SLC41A1: variants seen among roughly 807,000 people sequenced by gnomAD.
The protein encoded by SLC41A1 is solute carrier family 41 member 1, also known as solute carrier family 41 (magnesium transporter), member 1.
In SLC41A1, 20 loss-of-function variants were observed where a neutral mutation model predicts 47.3. The observed-to-expected ratio is 0.42, with a 90% CI of 0.30 to 0.61. The LOEUF (loss-of-function observed/expected upper bound fraction) is 0.61, where lower values mean the gene tolerates loss of function less well. Among genes scored for constraint, SLC41A1 ranks in the 20% least tolerant of loss-of-function variants. The pLI, the probability that SLC41A1 is intolerant of heterozygous loss-of-function variation, is 0.17. For missense variants in SLC41A1, 504 were observed against 674.1 expected, an observed-to-expected ratio of 0.75 and a Z score of 2.79; for synonymous variants, 282 against 272.7, an observed-to-expected ratio of 1.03 and a Z score of -0.34.
At chr1:205,796,572 C>T in intron 8 of SLC41A1, 1 of 320,968 alleles carries the variant, frequency 3.1e-6, no homozygotes, top group Non-Finnish European at 6.0e-6. Flanking sequence ...CAATCTTGAA[C>T]TTCCCAGCTT....
At chr1:205,795,854 G>A (rs1220064636) in intron 8 of SLC41A1, 1 of 322,644 alleles carries the variant, frequency 3.1e-6, no homozygotes, top group East Asian at 7.4e-5. Flanking sequence ...CTGAGGGGAT[G>A]AAGCCCTGCC....
At chr1:205,809,895 C>T (rs1656104856) in intron 2 of SLC41A1, among the ~76,000 whole-genome samples, 175 bp downstream of exon 2, 1 of 152,142 alleles carries the variant, frequency 6.6e-6, no homozygotes, top group African/African-American at 2.4e-5. Flanking sequence ...TTCCTTGAGG[C>T]TTCTGTAGAA....
Position 205,791,736 on chromosome 1 carries a change from C to A in SLC41A1, c.1357-18G>T. 4 of 1,612,128 alleles carry A rather than the reference C, an allele frequency of 2.5e-6. No homozygotes were observed. Among genetic ancestry groups the A allele is most frequent in the Non-Finnish European group, 3.4e-6 (4 of 1,179,672 alleles). On this transcript the variant is annotated intron_variant, in intron 10 of 10. Coordinates refer to ENST00000367137, the MANE Select transcript of SLC41A1 (RefSeq NM_173854.6). This position sits in a 1 kb window ranked among gnomAD's most constrained non-coding sequence, Gnocchi z 4.0. The stretch of plus-strand genomic sequence containing the variant: ...ATCAGCACCTGGGGAGACAAAAGGG[C>A]CCAGCCTATAGCCATCCTCTCTCTC...
At chr1:205,805,534 C>T (rs1247910905) in intron 2 of SLC41A1, among the ~76,000 whole-genome samples, 2 of 152,306 alleles carry the variant, frequency 1.3e-5, no homozygotes, top group East Asian at 3.9e-4. Flanking sequence ...GCCACCCACG[C>T]CTTCCTGCTC....
chr1:205,791,505 G>T lies in SLC41A1; in HGVS notation c.*28C>A, dbSNP rs1365050761. 1 of 1,613,990 alleles carries T rather than the reference G, an allele frequency of 6.2e-7. No homozygotes were observed. The highest frequency in any genetic ancestry group is 8.5e-7 in the Non-Finnish European group (1 of 1,179,936). On this transcript the variant is annotated 3_prime_UTR_variant, in exon 11 of 11. Coordinates refer to ENST00000367137, the MANE Select transcript of SLC41A1 (RefSeq NM_173854.6). The surrounding 1 kb of genome is among the most constrained non-coding windows in gnomAD (Gnocchi z 4.0). ...AAAAATTTCAAATAGAAAGTGCAGAGGGATGGGGAAAATGTTGAGTGACCA... is the reference window on the plus strand; with the variant it reads ...AAAAATTTCAAATAGAAAGTGCAGATGGATGGGGAAAATGTTGAGTGACCA...
At position 205,791,589 on chromosome 1, in the gene SLC41A1, G is replaced by A. The variant is rs769898798; in HGVS notation, c.1486C>T (p.Leu496Phe). 1 of 1,614,172 alleles carries A rather than the reference G, an allele frequency of 6.2e-7. No individual in the cohort carries two copies. The highest frequency in any genetic ancestry group is 8.5e-7 in the Non-Finnish European group (1 of 1,180,018). The change falls in exon 11 of 11, where the codon CTC becomes TTC. Residue 496 changes from leucine to phenylalanine, a missense_variant. Leu to Phe is a conservative substitution (Grantham distance 22). This residue lies in a region of SLC41A1 where 421 missense variants were observed against 601.6 expected (regional missense o/e 0.70). Coordinates refer to ENST00000367137, the MANE Select transcript of SLC41A1 (RefSeq NM_173854.6). This position sits in a 1 kb window ranked among gnomAD's most constrained non-coding sequence, Gnocchi z 4.0. The stretch of plus-strand genomic sequence containing the variant: ...ATGAGCCAGAGAACATGGAAGCTGA[G>A]TGCTAGGAGCCCAGTGCCAAGCAGG... Reference protein sequence around the residue: ...GDLLGTGLLALSFHVLWLIGD... With the variant: ...GDLLGTGLLAFSFHVLWLIGD...
intron 4 of SLC41A1, 95 bp downstream of exon 4, chr1:205,799,664 T>C: frequency 7.3e-7 from 1 of 1,363,436 alleles, no homozygotes. Flanking sequence ...ATACTGGAGA[T>C]TCACTCAGGA....
rs61822589 is a variant in SLC41A1 at position 205,790,085 on chromosome 1, G to A, written c.*1448C>T. 12,319 of 152,378 alleles carry A rather than the reference G, an allele frequency of 0.081. 589 individuals carry two copies. Among genetic ancestry groups the A allele is most frequent in the African/African-American group, 0.13 (5,344 of 41,540 alleles). 9.4% of individuals were successfully genotyped at this position (152,378 alleles called of 1,614,324 possible). A position where few individuals can be genotyped will look rare whatever the true frequency, so the allele number is the denominator to read the frequency against. ...AGGGAATGTGAGGAAGGGTCGTTTA[G>A]GGAAATAAATACTGGTTGAGCAATG... On this transcript the variant is annotated 3_prime_UTR_variant, in exon 11 of 11. Transcript: ENST00000367137.
chr1:205,808,235 C>A (rs1656061336), intron 2 of SLC41A1, among the ~76,000 whole-genome samples: 1 of 152,198 alleles, frequency 6.6e-6, no homozygotes, highest in Non-Finnish European at 1.5e-5. Flanking sequence ...GGATTACAGG[C>A]ATGAGCCACT....
rs1023024769 is a variant in SLC41A1, at chr1:205,791,176, G to C, written c.*357C>G. 9.9e-5 allele frequency: 30 copies of C among 302,976 alleles called. No homozygotes were observed. Among genetic ancestry groups the C allele is most frequent in the Middle Eastern group, 2.3e-3 (2 of 874 alleles). The allele number at this position is 302,976 out of a possible 1,614,324, so 18.8% of individuals were successfully genotyped here. On this transcript the variant is annotated 3_prime_UTR_variant, in exon 11 of 11. Coordinates refer to ENST00000367137, the MANE Select transcript of SLC41A1 (RefSeq NM_173854.6). The surrounding 1 kb of genome is among the most constrained non-coding windows in gnomAD (Gnocchi z 4.0). Reference sequence around the variant, plus strand: ...AAAAATCCAGAGCCCACTTACAAAGGGTTTCTCATTAGGGCCAAGACAGGT... The same window carrying C: ...AAAAATCCAGAGCCCACTTACAAAGCGTTTCTCATTAGGGCCAAGACAGGT...
chr1:205,812,670 C>G (rs1656185369), intron 1 of SLC41A1, 138 bp downstream of exon 1: 7 of 888,742 alleles, frequency 7.9e-6, no homozygotes, highest in Non-Finnish European at 9.4e-6. Context: ...TTTTAGTATC[C>G]CCAACCCCGA....
rs1168577696 is a variant in SLC41A1 at position 205,790,112 on chromosome 1, G to C, written c.*1421C>G. ...GAAATAAATACTGGTTGAGCAATGG[G>C]GCGGTGGCTCTAGCTGTGGTCAGCA... On this transcript the variant is annotated 3_prime_UTR_variant, in exon 11 of 11. Transcript: ENST00000367137. The C allele has an allele frequency of 6.6e-6, 1 of 152,298 alleles. No individual in the cohort carries two copies. The highest frequency in any genetic ancestry group is 1.9e-4 in the East Asian group (1 of 5,200). 9.4% of individuals were successfully genotyped at this position (152,298 alleles called of 1,614,324 possible). A position where few individuals can be genotyped will look rare whatever the true frequency, so the allele number is the denominator to read the frequency against.
In SLC41A1 at chr1:205,791,431, C is replaced by T. The variant is rs1199478787; in HGVS notation, c.*102G>A. 2.2e-6 allele frequency: 3 copies of T among 1,387,804 alleles called. No homozygotes were observed. Among genetic ancestry groups the T allele is most frequent in the Non-Finnish European group, 3.0e-6 (3 of 987,538 alleles). The allele number at this position is 1,387,804 out of a possible 1,614,324, so 86.0% of individuals were successfully genotyped here. On this transcript the variant is annotated 3_prime_UTR_variant, in exon 11 of 11. Coordinates refer to ENST00000367137, the MANE Select transcript of SLC41A1 (RefSeq NM_173854.6). This position sits in a 1 kb window ranked among gnomAD's most constrained non-coding sequence, Gnocchi z 4.0. ...GAGAATTTGGTATCAAAGTGAAGTC[C>T]TAGAAAGAGGTGGGAGTGTGGGGTG...
chr1:205,806,880 TA>T (rs1463100154), intron 2 of SLC41A1, among the ~76,000 whole-genome samples: 1 of 152,196 alleles, frequency 6.6e-6, no homozygotes, highest in African/African-American at 2.4e-5. Context: ...TTTTTATTTT[TA>T]TTTTTTTTGC....
intron 2 of SLC41A1, 151 bp from the exon 3 acceptor site, chr1:205,801,211 C>A (rs1655870992): frequency 1.5e-6 from 1 of 652,680 alleles, no homozygotes; most frequent in Non-Finnish European, 2.8e-6. Flanking sequence ...AACCTTGGAA[C>A]CAAACCAAGC....
chr1:205,791,232 C>A lies in SLC41A1; in HGVS notation c.*301G>T. 2.3e-6 allele frequency: 1 copy of A among 425,940 alleles called. No individual in the cohort carries two copies. Among genetic ancestry groups the A allele is most frequent in the South Asian group, 2.2e-5 (1 of 46,150 alleles). 26.4% of individuals were successfully genotyped at this position (425,940 alleles called of 1,614,324 possible). ...AAGCCAAACCCCATGTCCCCAGATT[C>A]CAGACAAAACTCCCCTGCTCCAGTC... On this transcript the variant is annotated 3_prime_UTR_variant, in exon 11 of 11. Transcript: ENST00000367137. This position sits in a 1 kb window ranked among gnomAD's most constrained non-coding sequence, Gnocchi z 4.0.
chr1:205,798,573 T>G, intron 6 of SLC41A1, 96 bp downstream of exon 6: 2 of 1,564,576 alleles, frequency 1.3e-6, no homozygotes, highest in Non-Finnish European at 1.8e-6. Context: ...CCAAATAGTT[T>G]AAGAACACAG....
chr1:205,791,474 C>T lies in SLC41A1; in HGVS notation c.*59G>A, dbSNP rs770302311. ...GTGGGGTGGAGGAGGGACAGGGGAA[C>T]AAAAGAAAAATTTCAAATAGAAAGT... On this transcript the variant is annotated 3_prime_UTR_variant, in exon 11 of 11. Transcript: ENST00000367137. The surrounding 1 kb of genome is among the most constrained non-coding windows in gnomAD (Gnocchi z 4.0). The T allele has an allele frequency of 6.2e-7, 1 of 1,608,660 alleles. No individual in the cohort carries two copies. Among genetic ancestry groups the T allele is most frequent in the Non-Finnish European group, 8.5e-7 (1 of 1,176,166 alleles).
In SLC41A1 at chr1:205,807,648, G is replaced by GTT. The variant is rs1170069554; in HGVS notation, c.372+2421_372+2422insAA. On this transcript the variant is annotated intron_variant, in intron 2 of 10. Coordinates refer to ENST00000367137, the MANE Select transcript of SLC41A1 (RefSeq NM_173854.6). ...ACAAAGAAAATAGGCTCCTCGTAGA[G>GTT]TCTTTTTTTTTTTTTTTTTTTTTTT... 6.5e-3 allele frequency among the ~76,000 whole-genome samples: 653 copies of GTT among 99,952 alleles called. 19 individuals are homozygous for GTT. The highest frequency in any genetic ancestry group is 0.011 in the African/African-American group (328 of 29,612). The allele number at this position is 99,952 out of a possible 152,430, so 65.6% of individuals were successfully genotyped here.
Sources: gnomAD v4.1 joint callset for allele counts (sites outside exome capture counted in the v4.1 genomes callset) on GRCh38, gnomAD v4.1.1 for gene constraint, gnomAD v4.1.1 regional missense constraint, Gnocchi (gnomAD v3.1) non-coding constraint, MANE v1.5 for transcripts, NCBI Gene and HGNC (gene_info 2026-07-23, HGNC 2026-07-21) for gene names.